The following COL5A1 variants were observed in gnomAD, a reference collection of about 807,000 sequenced individuals.
COL5A1 encodes collagen type V alpha 1 chain, also known as collagen alpha-1(V) chain.
COL5A1 carries 16 observed loss-of-function variants against 263.7 expected under a neutral mutation model. The observed-to-expected ratio is 0.06, with a 90% CI of 0.04 to 0.09. COL5A1 has a LOEUF of 0.09. Among genes scored for constraint, COL5A1 ranks in the 10% least tolerant of loss-of-function variants. The probability of loss-of-function intolerance (pLI) is 1.00; values close to 1 mark genes in which losing one functional copy is unlikely to be tolerated. For synonymous variants in COL5A1, 1,012 were observed against 1,004.5 expected (o/e 1.01, Z -0.14); for missense variants, 2,036 against 2,540.5 (o/e 0.80, Z 4.27).
At position 134,827,531 on chromosome 9, in the gene COL5A1, G is replaced by A. The variant is rs149519336; in HGVS notation, c.5067+1627G>A. Among the ~76,000 whole-genome samples, 683 of 152,346 alleles carry A rather than the reference G, an allele frequency of 4.5e-3. 8 individuals are homozygous for A. The highest frequency in any genetic ancestry group is 0.014 in the Middle Eastern group (4 of 294). ...AAAAGAGGTTTCTCGGCCCTCCTTC[G>A]CGGCCTGCCTCTGCAAATGGGTGGC... is the stretch of plus-strand genomic sequence containing the variant. On this transcript the variant is annotated intron_variant, in intron 63 of 65. Coordinates refer to ENST00000371817, the MANE Select transcript of COL5A1 (RefSeq NM_000093.5).
intron 38 of COL5A1, 84 bp downstream of exon 38, chr9:134,802,091 C>T (rs538147912): frequency 7.3e-7 from 1 of 1,361,778 alleles, no homozygotes; most frequent in African/African-American, 1.4e-5. Context: ...GGCATCTGTT[C>T]CCTCCACGAT....
intron 25 of COL5A1, among the ~76,000 whole-genome samples, chr9:134,772,474 G>A (rs1017403618): frequency 1.3e-5 from 2 of 152,204 alleles, no homozygotes; most frequent in Non-Finnish European, 2.9e-5. Context: ...AGGAGCCACC[G>A]TGCAGGTCAC....
chr9:134,765,729 C>T lies in COL5A1; in HGVS notation c.2083C>T (p.Pro695Ser). ...GAAGGGGCCCCCAGGTCCTCCCGGA[C>T]CTCCCGTAAGTCCCATTACCGCCCT... ...GPKGPPGPPG[P>S]PGVTGMDGQP... is the part of the protein sequence containing the mutation. Residue 695 changes from proline (P) to serine (S), a missense_variant, in exon 21 of 66, where the codon CCT (proline) becomes TCT (serine). Physicochemically the swap from Pro to Ser is moderately conservative, Grantham distance 74. This residue lies in a region of COL5A1 where 1,078 missense variants were observed against 1,521.4 expected (regional missense o/e 0.71). Coordinates refer to ENST00000371817, the MANE Select transcript of COL5A1 (RefSeq NM_000093.5). The surrounding 1 kb of genome is among the most constrained non-coding windows in gnomAD (Gnocchi z 5.1). The T allele has an allele frequency of 1.9e-6, 3 of 1,613,104 alleles. No individual in the cohort carries two copies. The highest frequency in any genetic ancestry group is 2.2e-5 in the East Asian group (1 of 44,856).
rs114406334 is a variant in COL5A1 at position 134,711,369 on chromosome 9, G to A, written c.654+10036G>A. ...TGTGGGGCTGTGTCTTGCCAGCCAGGTGTGCTAATGAGTGAGTCTTGATCC... is the reference window on the plus strand; with the variant it reads ...TGTGGGGCTGTGTCTTGCCAGCCAGATGTGCTAATGAGTGAGTCTTGATCC... On this transcript the variant is annotated intron_variant, in intron 4 of 65. Transcript: ENST00000371817. 8.2e-3 allele frequency among the ~76,000 whole-genome samples: 1,249 copies of A among 152,238 alleles called. 16 individuals are homozygous for A. Among genetic ancestry groups the A allele is most frequent in the African/African-American group, 0.029 (1,190 of 41,512 alleles).
In COL5A1 at chr9:134,815,581, A is replaced by T; in HGVS notation, c.4020A>T (p.Pro1340=). ...GDDGPKGSPG[P]VGFPGDPGPP... is the part of the protein sequence containing the mutation. ...TCCTTCTTTCTTCCTTTCAGGGCCC[A>T]GTGGGTTTTCCTGGAGATCCTGGCC... The change falls in exon 51 of 66, where the codon CCA becomes CCT. Residue 1340 remains proline, a synonymous_variant. Transcript: ENST00000371817. 6.2e-7 allele frequency: 1 copy of T among 1,613,554 alleles called. No homozygotes were observed. Among genetic ancestry groups the T allele is most frequent in the Non-Finnish European group, 8.5e-7 (1 of 1,179,850 alleles).
intron 9 of COL5A1, among the ~76,000 whole-genome samples, chr9:134,736,615 A>G (rs1336904614): frequency 6.6e-6 from 1 of 152,234 alleles, no homozygotes; most frequent in African/African-American, 2.4e-5. Context: ...CCCCAAATTC[A>G]TGTCCTTCTC....
chr9:134,715,289 G>A (rs566806042), intron 4 of COL5A1, among the ~76,000 whole-genome samples: 15 of 152,230 alleles, frequency 9.9e-5, no homozygotes, highest in Admixed American at 3.9e-4. Context: ...GCAGTATGCC[G>A]CCAGCATGTC....
intron 4 of COL5A1, among the ~76,000 whole-genome samples, chr9:134,715,120 A>C (rs1834216785): frequency 6.6e-6 from 1 of 152,030 alleles, no homozygotes; most frequent in South Asian, 2.1e-4. Flanking sequence ...ATTGATCATT[A>C]TCTCTACCAT....
chr9:134,658,463 G>C (rs993106335), intron 1 of COL5A1, among the ~76,000 whole-genome samples: 8 of 152,004 alleles, frequency 5.3e-5, no homozygotes, highest in African/African-American at 1.9e-4. Context: ...GCCCCTGCAC[G>C]TCCCCCCGCC....
intron 25 of COL5A1, 58 bp from the exon 26 acceptor site, chr9:134,772,732 G>A (rs182528959): frequency 1.8e-4 from 279 of 1,564,754 alleles, no homozygotes; most frequent in Admixed American, 9.5e-4. Context: ...GAGGGGAAGC[G>A]AGGGAGGCTG....
intron 51 of COL5A1, 101 bp from the exon 52 acceptor site, chr9:134,815,834 G>C: frequency 6.9e-7 from 1 of 1,447,426 alleles, no homozygotes; most frequent in East Asian, 2.3e-5. Context: ...CACCAGAATG[G>C]ATTTGGGTTT....
chr9:134,749,029 G>A (rs1214097743), intron 11 of COL5A1, among the ~76,000 whole-genome samples: 2 of 152,230 alleles, frequency 1.3e-5, no homozygotes, highest in Non-Finnish European at 2.9e-5. Context: ...ACGAGGTCAG[G>A]AGTTCAAGAC....
chr9:134,708,423 G>A (rs1159117011), intron 4 of COL5A1: 3 of 379,504 alleles, frequency 7.9e-6, no homozygotes, highest in South Asian at 4.2e-5. Context: ...AACTCCCGGG[G>A]TGGGGGCTCT....
At chr9:134,714,027 G>C (rs563993587) in intron 4 of COL5A1, among the ~76,000 whole-genome samples, 3 of 152,324 alleles carry the variant, frequency 2.0e-5, no homozygotes, top group Admixed American at 2.0e-4. Flanking sequence ...GGCAAAGTCT[G>C]TTGCTTCTGT....
chr9:134,663,634 G>C (rs1209862672), intron 1 of COL5A1, among the ~76,000 whole-genome samples: 1 of 152,216 alleles, frequency 6.6e-6, no homozygotes, highest in Non-Finnish European at 1.5e-5. Context: ...TGTAAACCCA[G>C]ATTCTCCCAA....
intron 1 of COL5A1, among the ~76,000 whole-genome samples, chr9:134,685,719 T>C (rs146632596): frequency 0.08 from 142 of 1,768 alleles, no homozygotes; most frequent in African/African-American, 0.12. Context: ...ATCATCCATC[T>C]ATCCATCCAT....
rs907160499 is a variant in COL5A1 at position 134,818,832 on chromosome 9, C to T, written c.4339-16C>T. On this transcript the variant is annotated splice_polypyrimidine_tract_variant and intron_variant, in intron 55 of 65. Transcript: ENST00000371817. This position sits in a 1 kb window ranked among gnomAD's most constrained non-coding sequence, Gnocchi z 6.0. Reference sequence around the variant, plus strand: ...CGGGGGACCAGCAACTCATGCAGAGCGTCTCTGTGTTTCAGGGAGAACAAG... The same window carrying T: ...CGGGGGACCAGCAACTCATGCAGAGTGTCTCTGTGTTTCAGGGAGAACAAG... The T allele has an allele frequency of 5.0e-6, 8 of 1,613,114 alleles. No homozygotes were observed. Among genetic ancestry groups the T allele is most frequent in the Admixed American group, 1.7e-5 (1 of 60,016 alleles).
rs754788920 is a variant in COL5A1, at chr9:134,708,459, C to G, written c.654+7126C>G. 7.7e-5 allele frequency: 34 copies of G among 440,340 alleles called. No individual in the cohort carries two copies. In the Admixed American group the frequency reaches 8.0e-4, roughly 10 times the overall value. The allele number at this position is 440,340 out of a possible 1,614,324, so 27.3% of individuals were successfully genotyped here. On this transcript the variant is annotated intron_variant, in intron 4 of 65. Transcript: ENST00000371817. ...GGTGCACCTGCACTGACACAGGACA[C>G]TGTCACCCTTCTAGGTCCTCGGTCC...
intron 52 of COL5A1, 132 bp downstream of exon 52, chr9:134,816,120 C>G (rs1236432578): frequency 3.6e-6 from 3 of 834,090 alleles, no homozygotes; most frequent in Non-Finnish European, 6.2e-6. Flanking sequence ...TATCGATTCC[C>G]TTATGATATT....
Sources: allele counts gnomAD v4.1 joint callset (sites outside exome capture counted in the v4.1 genomes callset), GRCh38; gene constraint gnomAD v4.1.1; regional missense constraint gnomAD v4.1.1; non-coding constraint Gnocchi (gnomAD v3.1); transcripts MANE v1.5; gene names NCBI Gene and HGNC (gene_info 2026-07-23, HGNC 2026-07-21).